Variants in SPAG16 observed in about 807,000 individuals in gnomAD.
The protein encoded by SPAG16 is sperm-associated antigen 16 protein.
Under a neutral mutation model 80.4 loss-of-function variants are expected in SPAG16, and 86 were observed. The ratio of observed to expected loss-of-function variants is 1.07; its 90% CI spans 0.90 to 1.28. SPAG16 has a LOEUF of 1.28. Among genes scored for constraint, SPAG16 ranks in the 50% most tolerant of loss-of-function variants. The pLI, the probability that SPAG16 is intolerant of heterozygous loss-of-function variation, is 0.00. For synonymous variants in SPAG16, 294 were observed against 265.9 expected (o/e 1.11, Z -1.03); for missense variants, 870 against 765.3 (o/e 1.14, Z -1.61).
In SPAG16 at chr2:213,945,791, A is replaced by G. The variant is rs747524288; in HGVS notation, c.1400+15646A>G. Among the ~76,000 whole-genome samples, 3 of 152,268 alleles carry G rather than the reference A, an allele frequency of 2.0e-5. No homozygotes were observed. The East Asian group carries it at 5.8e-4, about 29-fold the overall frequency. ...CAAACATTAGATCTGACGGCAACTTAATCTTGGATTTCCCAGCCTCCAGAA... is the reference window on the plus strand; with the variant it reads ...CAAACATTAGATCTGACGGCAACTTGATCTTGGATTTCCCAGCCTCCAGAA... On this transcript the variant is annotated intron_variant, in intron 12 of 15. Coordinates refer to ENST00000331683, the MANE Select transcript of SPAG16 (RefSeq NM_024532.5).
intron 12 of SPAG16, among the ~76,000 whole-genome samples, chr2:213,998,142 A>G (rs1187848901): frequency 1.3e-5 from 2 of 152,188 alleles, no homozygotes; most frequent in South Asian, 4.1e-4. Flanking sequence ...CAGCAAGTAT[A>G]TTTTTAAACA....
At chr2:213,954,778 A>C (rs1299106552) in intron 12 of SPAG16, among the ~76,000 whole-genome samples, 1 of 152,186 alleles carries the variant, frequency 6.6e-6, no homozygotes. Context: ...GCAGTCTATG[A>C]GAAATTCCCA....
At chr2:213,945,585 C>T (rs189435550) in intron 12 of SPAG16, among the ~76,000 whole-genome samples, 20 of 152,054 alleles carry the variant, frequency 1.3e-4, no homozygotes, top group Admixed American at 7.9e-4. Flanking sequence ...TTAGATGGTG[C>T]TCACCAGATT....
chr2:214,078,533 CAAAAAAA>C (rs35101370), intron 13 of SPAG16, among the ~76,000 whole-genome samples: 1 of 117,134 alleles, frequency 8.5e-6, no homozygotes. Flanking sequence ...GAGCCTGTCT[CAAAAAAA>C]AAAAAAAAAA....
At chr2:214,289,130 A>G (rs943112580) in intron 15 of SPAG16, among the ~76,000 whole-genome samples, 2 of 152,058 alleles carry the variant, frequency 1.3e-5, no homozygotes, top group Non-Finnish European at 2.9e-5. Flanking sequence ...TTTCTTGTAT[A>G]TTTCAGATAT....
At chr2:213,593,585 T>C (rs1291886446) in intron 10 of SPAG16, among the ~76,000 whole-genome samples, 2 of 151,910 alleles carry the variant, frequency 1.3e-5, no homozygotes, top group Admixed American at 1.3e-4. Flanking sequence ...TCTGTCAATG[T>C]TGTAAGTCAT....
intron 15 of SPAG16, among the ~76,000 whole-genome samples, chr2:214,178,656 A>G (rs1022209593): frequency 2.0e-5 from 3 of 151,432 alleles, no homozygotes; most frequent in Admixed American, 6.6e-5. Flanking sequence ...AAATATCATA[A>G]ATAGAGCACA....
intron 10 of SPAG16, among the ~76,000 whole-genome samples, chr2:213,497,976 G>T (rs1329151147): frequency 1.3e-5 from 2 of 152,036 alleles, no homozygotes; most frequent in East Asian, 3.9e-4. Flanking sequence ...TAACAGAAAG[G>T]GAAATGCAAG....
chr2:214,092,477 TTGTCTG>T (rs1248026352), intron 13 of SPAG16, among the ~76,000 whole-genome samples: 1 of 150,200 alleles, frequency 6.7e-6, no homozygotes, highest in Non-Finnish European at 1.5e-5. Context: ...TTCATATCCT[TTGTCTG>T]TGTTACTATG....
At chr2:213,478,941 G>A (rs1023336390) in intron 9 of SPAG16, among the ~76,000 whole-genome samples, 2 of 151,998 alleles carry the variant, frequency 1.3e-5, no homozygotes, top group African/African-American at 4.8e-5. Flanking sequence ...AAAATTGGCA[G>A]TCCATAGATG....
chr2:213,378,829 G>C (rs1031800460), intron 9 of SPAG16, among the ~76,000 whole-genome samples: 2 of 152,158 alleles, frequency 1.3e-5, no homozygotes, highest in African/African-American at 2.4e-5. Context: ...GTCCTGCCCA[G>C]ACTGTGATGT....
intron 7 of SPAG16, among the ~76,000 whole-genome samples, chr2:213,357,857 GT>G (rs1478512626): frequency 6.6e-6 from 1 of 152,158 alleles, no homozygotes; most frequent in Non-Finnish European, 1.5e-5. Context: ...AGCATTGATG[GT>G]CTTTACAATT....
chr2:213,798,261 G>A (rs1399028128), intron 10 of SPAG16, among the ~76,000 whole-genome samples: 1 of 151,846 alleles, frequency 6.6e-6, no homozygotes, highest in Admixed American at 6.6e-5. Context: ...TTTTTTGTTT[G>A]TTTGTTTGTT....
intron 10 of SPAG16, among the ~76,000 whole-genome samples, chr2:213,820,220 G>A (rs562955067): frequency 3.3e-5 from 5 of 152,096 alleles, no homozygotes; most frequent in Middle Eastern, 3.4e-3. Context: ...GATTCCTGGC[G>A]CATGGCACCA....
intron 15 of SPAG16, among the ~76,000 whole-genome samples, chr2:214,363,539 T>C (rs765081350): frequency 6.6e-6 from 1 of 151,900 alleles, no homozygotes; most frequent in Non-Finnish European, 1.5e-5. Flanking sequence ...ATGCAATAGG[T>C]TAAAAACTGA....
intron 10 of SPAG16, among the ~76,000 whole-genome samples, chr2:213,782,251 CTG>C (rs1162144768): frequency 1.3e-5 from 2 of 151,618 alleles, no homozygotes; most frequent in East Asian, 1.9e-4. Flanking sequence ...AAGGAAGAAA[CTG>C]TTTTTTAGTG....
chr2:214,282,264 T>G (rs1015369526), intron 15 of SPAG16, among the ~76,000 whole-genome samples: 1 of 152,110 alleles, frequency 6.6e-6, no homozygotes, highest in Non-Finnish European at 1.5e-5. Context: ...ATGATGTAGA[T>G]TGAATCAATT....
At chr2:213,456,965 T>G (rs1447655615) in intron 9 of SPAG16, among the ~76,000 whole-genome samples, 3 of 152,154 alleles carry the variant, frequency 2.0e-5, no homozygotes, top group Non-Finnish European at 2.9e-5. Flanking sequence ...TTAGTGGATT[T>G]TTTTGAGTTA....
chr2:214,302,574 G>T (rs1694628859), intron 15 of SPAG16, among the ~76,000 whole-genome samples: 1 of 152,104 alleles, frequency 6.6e-6, no homozygotes. Context: ...TCTGCCTCCT[G>T]GGTTCAAGCG....
Sources: gnomAD v4.1 joint callset for allele counts (sites outside exome capture counted in the v4.1 genomes callset) on GRCh38, gnomAD v4.1.1 for gene constraint, MANE v1.5 for transcripts, NCBI Gene and HGNC (gene_info 2026-07-23, HGNC 2026-07-21) for gene names.